The following MGAT4C variants were observed in gnomAD, a reference collection of about 807,000 sequenced individuals.
MGAT4C encodes the protein MGAT4 family member C.
In MGAT4C, 19 loss-of-function variants were observed where a neutral mutation model predicts 40.1. The ratio of observed to expected loss-of-function variants is 0.47; its 90% CI spans 0.33 to 0.70. The LOEUF is 0.70. Ranked by LOEUF, MGAT4C falls within the 30% of genes least tolerant of loss-of-function variation. The pLI is 0.02. For synonymous variants in MGAT4C, 181 were observed against 187.1 expected (o/e 0.97, Z 0.27); for missense variants, 491 against 563.2 (o/e 0.87, Z 1.30).
At chr12:86,260,165 T>C (rs562984431), upstream of MGAT4C, among the ~76,000 whole-genome samples, 95 of 152,262 alleles carry the variant, frequency 6.2e-4, no homozygotes, top group Non-Finnish European at 1.0e-3. Flanking sequence ...CTTATTAATA[T>C]GTTTGCAGAG....
rs146564267 is a variant in MGAT4C at position 86,346,709 on chromosome 12, T to C, written c.-119-12582A>G. On this transcript the variant is annotated intron_variant, in intron 3 of 7. Transcript: ENST00000548651. ...AATATTGAGTGTCAACATGATTGGATTGAAGGATGCGAAGTATTGTTCCTA... is the reference window on the plus strand; with the variant it reads ...AATATTGAGTGTCAACATGATTGGACTGAAGGATGCGAAGTATTGTTCCTA... 5.3e-3 allele frequency among the ~76,000 whole-genome samples: 811 copies of C among 152,292 alleles called. 2 individuals are homozygous for C. Among genetic ancestry groups the C allele is most frequent in the Non-Finnish European group, 8.4e-3 (570 of 68,034 alleles).
intron 2 of MGAT4C, among the ~76,000 whole-genome samples, chr12:86,612,716 G>T (rs1962326384): frequency 6.7e-6 from 1 of 148,192 alleles, no homozygotes; most frequent in Non-Finnish European, 1.5e-5. Flanking sequence ...CTCCAGCCTG[G>T]GCAACAGAGT....
At chr12:86,719,197 G>A (rs1041103454) in intron 2 of MGAT4C, among the ~76,000 whole-genome samples, 43 of 152,216 alleles carry the variant, frequency 2.8e-4, no homozygotes, top group African/African-American at 9.6e-4. Flanking sequence ...CTTTCACTAC[G>A]TGCAAAATAC....
chr12:86,705,945 T>G (rs543141250), intron 2 of MGAT4C, among the ~76,000 whole-genome samples: 1 of 152,136 alleles, frequency 6.6e-6, no homozygotes, highest in Non-Finnish European at 1.5e-5. Context: ...TGAAGTTCTC[T>G]TAAAGGAAGA....
intron 2 of MGAT4C, among the ~76,000 whole-genome samples, chr12:86,491,038 GAACTCAGCTCTGCACC>G: frequency 6.6e-6 from 1 of 152,158 alleles, no homozygotes; most frequent in Non-Finnish European, 1.5e-5. Context: ...CCCAGGAATT[GAACTCAGCTCTGCACC>G]AAGCGGACCT....
chr12:86,142,902 G>A (rs1199782366), intron 1 of MGAT4C, among the ~76,000 whole-genome samples: 1 of 151,998 alleles, frequency 6.6e-6, no homozygotes, highest in Non-Finnish European at 1.5e-5. Flanking sequence ...AGTTAAATGA[G>A]GTCAGAAATG....
intron 1 of MGAT4C, among the ~76,000 whole-genome samples, chr12:86,074,793 A>AT (rs1869348449): frequency 7.2e-6 from 1 of 138,900 alleles, no homozygotes; most frequent in African/African-American, 3.1e-5. Context: ...AGGAAAAGAG[A>AT]TTTTCCCTTA....
intron 1 of MGAT4C, among the ~76,000 whole-genome samples, chr12:86,731,765 G>A (rs966551430): frequency 2.6e-5 from 4 of 152,054 alleles, no homozygotes; most frequent in Non-Finnish European, 4.4e-5. Flanking sequence ...GCTACGGATT[G>A]GGGGCTATAC....
chr12:86,174,141 A>ACG, intron 1 of MGAT4C, among the ~76,000 whole-genome samples: 1 of 151,560 alleles, frequency 6.6e-6, no homozygotes, highest in East Asian at 1.9e-4. Context: ...ACACACACAC[A>ACG]CACACACACA....
chr12:86,291,633 T>C (rs1287751522), intron 4 of MGAT4C, among the ~76,000 whole-genome samples: 1 of 152,202 alleles, frequency 6.6e-6, no homozygotes, highest in Non-Finnish European at 1.5e-5. Flanking sequence ...TGTCATTATG[T>C]ATATATGAAG....
At chr12:86,358,174 A>C (rs916497473) in intron 3 of MGAT4C, among the ~76,000 whole-genome samples, 3 of 152,150 alleles carry the variant, frequency 2.0e-5, no homozygotes, top group African/African-American at 7.2e-5. Context: ...GGGCCAATAT[A>C]CAACATTCTT....
intron 1 of MGAT4C, among the ~76,000 whole-genome samples, chr12:86,190,080 T>C (rs993553234): frequency 3.9e-5 from 6 of 152,080 alleles, no homozygotes; most frequent in African/African-American, 1.4e-4. Flanking sequence ...CATGTCTAAA[T>C]TGCAGCTTAT....
intron 2 of MGAT4C, among the ~76,000 whole-genome samples, chr12:86,685,816 T>G (rs9804770): frequency 0.83 from 125,273 of 151,786 alleles, 52,465 homozygotes; most frequent in Middle Eastern, 0.9. Context: ...GTTCACTCAT[T>G]ATTTGGCTCT....
At chr12:86,742,441 C>G (rs1400866548) in intron 1 of MGAT4C, among the ~76,000 whole-genome samples, 1 of 151,476 alleles carries the variant, frequency 6.6e-6, no homozygotes. Context: ...TTATCTGTTT[C>G]TGCTTAATAG....
At chr12:86,457,551 T>C (rs1229076299) in intron 2 of MGAT4C, among the ~76,000 whole-genome samples, 2 of 152,260 alleles carry the variant, frequency 1.3e-5, no homozygotes, top group East Asian at 1.9e-4. Flanking sequence ...TTTCAGGTCA[T>C]GATAAAAAGA....
intron 3 of MGAT4C, among the ~76,000 whole-genome samples, chr12:85,988,651 T>C (rs1336306677): frequency 5.9e-5 from 9 of 152,012 alleles, no homozygotes; most frequent in Admixed American, 5.2e-4. Context: ...AATGTCTGTA[T>C]TAATCTCATC....
At chr12:86,210,864 A>G (rs117162892) in intron 1 of MGAT4C, among the ~76,000 whole-genome samples, 3,070 of 152,254 alleles carry the variant, frequency 0.02, 52 homozygotes, top group South Asian at 0.057. Flanking sequence ...CAGATAGTTG[A>G]TAACAGATTT....
intron 2 of MGAT4C, among the ~76,000 whole-genome samples, chr12:86,538,592 T>C (rs1049447366): frequency 6.7e-6 from 1 of 148,686 alleles, no homozygotes; most frequent in African/African-American, 2.5e-5. Flanking sequence ...GTGTCTGTGC[T>C]CAAAGTGTAA....
intron 1 of MGAT4C, among the ~76,000 whole-genome samples, chr12:86,756,522 T>G (rs558220995): frequency 1.3e-5 from 2 of 152,242 alleles, no homozygotes; most frequent in African/African-American, 2.4e-5. Flanking sequence ...TTTCTTAAAA[T>G]AGTCTTGCAT....
Sources: gnomAD v4.1 joint callset for allele counts (sites outside exome capture counted in the v4.1 genomes callset) on GRCh38, gnomAD v4.1.1 for gene constraint, MANE v1.5 for transcripts, NCBI Gene and HGNC (gene_info 2026-07-23, HGNC 2026-07-21) for gene names.